Variants in NEXMIF observed in about 807,000 individuals in gnomAD.
The protein encoded by NEXMIF is XLMR protein related to neurite extension.
A neutral mutation model predicts 62.1 loss-of-function variants in NEXMIF; 8 were observed. The observed-to-expected ratio is 0.13, with a 90% CI of 0.08 to 0.23. NEXMIF has a LOEUF of 0.23. NEXMIF is among the 10% of genes least tolerant of loss of function. The pLI is 1.00. For synonymous variants in NEXMIF, 404 were observed against 416.6 expected, an observed-to-expected ratio of 0.97 and a Z score of 0.37; for missense variants, 976 against 1,113.3, an observed-to-expected ratio of 0.88 and a Z score of 1.75.
At chrX:74,796,243 T>TACATATATAATATATATATAC (rs1556024094) in intron 1 of NEXMIF, among the ~76,000 whole-genome samples, 2 of 37,005 alleles carry the variant, frequency 5.4e-5, no homozygotes, top group African/African-American at 7.9e-5. Flanking sequence ...TATATATATA[T>TACATATATAATATATATATAC]ACACATATAT....
rs180753691 is a variant in NEXMIF, at chrX:74,736,110, G to T, written c.*3295C>A. On this transcript the variant is annotated 3_prime_UTR_variant, in exon 4 of 4. Transcript: ENST00000055682. ...TATTTCGGTGATGGGTACACTAAAA[G>T]CCCAGATTTCAACACTAAGCAATAT... The T allele has an allele frequency of 9.0e-6, 1 of 111,100 alleles. No homozygotes were observed. The highest frequency in any genetic ancestry group is 2.8e-4 in the East Asian group (1 of 3,557). The allele number at this position is 111,100 out of a possible 1,213,427, so 9.2% of individuals were successfully genotyped here.
At chrX:74,764,259 C>A (rs2080187696) in intron 1 of NEXMIF, among the ~76,000 whole-genome samples, 1 of 111,655 alleles carries the variant, frequency 9.0e-6, no homozygotes, top group African/African-American at 3.3e-5. Flanking sequence ...TGTTTATATG[C>A]TGGATTACGT....
chrX:74,850,770 C>G (rs1366771411), intron 1 of NEXMIF, among the ~76,000 whole-genome samples: 2 of 110,465 alleles, frequency 1.8e-5, no homozygotes, highest in Non-Finnish European at 3.8e-5. Context: ...AACTGGCACA[C>G]CAGATGTGCA....
At position 74,744,186 on chromosome X, in the gene NEXMIF, G is replaced by A. The variant is rs771113778; in HGVS notation, c.371C>T (p.Ala124Val). 2.5e-6 allele frequency: 3 copies of A among 1,210,900 alleles called. No individual in the cohort carries two copies. The highest frequency in any genetic ancestry group is 2.2e-5 in the Admixed American group (1 of 45,961). ...TGACATGCCTGCAGGCTCCATTATG[G>A]CAAATGGAGCTTTCTCACATTCATT... ...LPNECEKAPF[A>V]IMEPAGMSAL... Residue 124 changes from alanine (A) to valine (V), a missense_variant, in exon 3 of 4, where the codon GCC (alanine) becomes GTC (valine). Physicochemically the swap from Ala to Val is moderately conservative, Grantham distance 64. This residue lies in a region of NEXMIF where 126 missense variants were observed against 146.5 expected (regional missense o/e 0.86). Transcript: ENST00000055682.
At chrX:74,827,158 C>T (rs2080421148) in intron 1 of NEXMIF, among the ~76,000 whole-genome samples, 1 of 112,621 alleles carries the variant, frequency 8.9e-6, no homozygotes, top group Admixed American at 9.4e-5. Context: ...AAATGACCCC[C>T]AAGCCTGTCA....
rs752327301 is a variant in NEXMIF at position 74,740,421 on chromosome X, T to A, written c.4136A>T (p.Lys1379Ile). 8.3e-7 allele frequency: 1 copy of A among 1,211,523 alleles called. No homozygotes were observed. Among genetic ancestry groups the A allele is most frequent in the South Asian group, 1.8e-5 (1 of 56,977 alleles). ...TCCTTGGGACCCACTGTTGATCTTT[T>A]TCTTAGACTCCTGTGGTGTCCCAGC... is the stretch of plus-strand genomic sequence containing the variant. ...ILAGTPQESK[K>I]KINSGSQGAT... Residue 1379 changes from lysine to isoleucine, a missense_variant, in exon 3 of 4, where the codon AAA becomes ATA. Lys to Ile is a moderately radical substitution (Grantham distance 102). This residue lies in a region of NEXMIF where 137 missense variants were observed against 128.9 expected (regional missense o/e 1.06). Transcript: ENST00000055682.
chrX:74,783,529 T>C (rs1026767626), intron 1 of NEXMIF, among the ~76,000 whole-genome samples: 1 of 111,706 alleles, frequency 9.0e-6, no homozygotes, highest in African/African-American at 3.3e-5. Flanking sequence ...TCAGAAAAAG[T>C]CTCAGATAGG....
Position 74,899,087 on chromosome X carries a change from A to G in NEXMIF, c.-48+25796T>C, listed in dbSNP as rs142249897. ...CAAATGTAATGCAATCCCTATCAAA[A>G]ACCCAATGATGACAAGCCCACAGCT... On this transcript the variant is annotated intron_variant, in intron 1 of 3. Coordinates refer to ENST00000055682, the MANE Select transcript of NEXMIF (RefSeq NM_001008537.3). 6.4e-3 allele frequency among the ~76,000 whole-genome samples: 716 copies of G among 111,432 alleles called. 10 individuals are homozygous for G. Among genetic ancestry groups the G allele is most frequent in the African/African-American group, 0.022 (678 of 30,607 alleles).
intron 1 of NEXMIF, among the ~76,000 whole-genome samples, chrX:74,898,159 C>A (rs1313281602): frequency 9.0e-6 from 1 of 111,570 alleles, no homozygotes; most frequent in African/African-American, 3.3e-5. Flanking sequence ...TGTAACTTTA[C>A]CCTGGAGAAT....
chrX:74,780,088 T>C (rs1215209724), intron 1 of NEXMIF, among the ~76,000 whole-genome samples: 2 of 112,483 alleles, frequency 1.8e-5, no homozygotes, highest in African/African-American at 6.5e-5. Flanking sequence ...TGGGCATTCG[T>C]TTGGGAACTT....
At chrX:74,828,508 G>A (rs1179879246) in intron 1 of NEXMIF, among the ~76,000 whole-genome samples, 1 of 112,195 alleles carries the variant, frequency 8.9e-6, no homozygotes, top group East Asian at 2.8e-4. Flanking sequence ...CTAGGTTGGT[G>A]TTGTCATAAA....
intron 1 of NEXMIF, among the ~76,000 whole-genome samples, chrX:74,780,266 C>T (rs902402282): frequency 4.5e-5 from 5 of 111,060 alleles, no homozygotes; most frequent in Non-Finnish European, 3.8e-5. Flanking sequence ...TATAAATAGG[C>T]CTGGAACTCT....
intron 1 of NEXMIF, among the ~76,000 whole-genome samples, chrX:74,870,395 G>A (rs1248900553): frequency 1.8e-5 from 2 of 111,263 alleles, no homozygotes; most frequent in Admixed American, 1.9e-4. Flanking sequence ...AACTCTCCAG[G>A]ACATCAGTCT....
intron 1 of NEXMIF, among the ~76,000 whole-genome samples, chrX:74,877,063 G>A (rs888667227): frequency 2.7e-5 from 3 of 111,702 alleles, no homozygotes; most frequent in Non-Finnish European, 5.6e-5. Context: ...TTGCTCGTTA[G>A]TTGATGCAGT....
intron 1 of NEXMIF, among the ~76,000 whole-genome samples, chrX:74,873,358 T>C (rs1052505420): frequency 1.8e-4 from 20 of 112,332 alleles, no homozygotes; most frequent in African/African-American, 6.5e-4. Context: ...CCATGGTGTA[T>C]ATGTGCCACA....
Position 74,737,416 on chromosome X carries a change from C to T in NEXMIF, c.*1989G>A, listed in dbSNP as rs1016792443. The T allele has an allele frequency of 9.0e-6, 1 of 111,468 alleles. No homozygotes were observed. Among genetic ancestry groups the T allele is most frequent in the Admixed American group, 9.6e-5 (1 of 10,449 alleles). 9.2% of individuals were successfully genotyped at this position (111,468 alleles called of 1,213,427 possible). On this transcript the variant is annotated 3_prime_UTR_variant, in exon 4 of 4. Coordinates refer to ENST00000055682, the MANE Select transcript of NEXMIF (RefSeq NM_001008537.3). The stretch of plus-strand genomic sequence containing the variant: ...GCAGGAGACATGTTTCATCTGGTGC[C>T]TTTCCACTAAGTAATTTTCCAGGGC...
chrX:74,886,401 C>T (rs1453893508), intron 1 of NEXMIF, among the ~76,000 whole-genome samples: 1 of 111,689 alleles, frequency 9.0e-6, no homozygotes. Flanking sequence ...TGGAAAACCC[C>T]ATCGTCTCAG....
chrX:74,745,543 A>G, intron 2 of NEXMIF, 29 bp downstream of exon 2: 1 of 1,023,719 alleles, frequency 9.8e-7, no homozygotes. Context: ...CAGGAGAGAT[A>G]TTAATATACT....
chrX:74,901,566 G>A (rs1451511883), intron 1 of NEXMIF, among the ~76,000 whole-genome samples: 1 of 106,007 alleles, frequency 9.4e-6, no homozygotes, highest in Non-Finnish European at 1.9e-5. Context: ...TGGACAAAGT[G>A]TTACATGTGC....
Sources: allele counts gnomAD v4.1 joint callset (sites outside exome capture counted in the v4.1 genomes callset), GRCh38; gene constraint gnomAD v4.1.1; regional missense constraint gnomAD v4.1.1; transcripts MANE v1.5; gene names NCBI Gene and HGNC (gene_info 2026-07-23, HGNC 2026-07-21).